Variants in ZNF536 observed in about 807,000 individuals in gnomAD.
ZNF536 encodes the protein zinc finger protein 536.
ZNF536 carries 13 observed loss-of-function variants against 84.5 expected under a neutral mutation model. The observed-to-expected ratio is 0.15, with a 90% confidence interval of 0.10 to 0.24. The LOEUF is 0.24. Among genes scored for constraint, ZNF536 ranks in the 10% least tolerant of loss-of-function variants. The pLI is 1.00. For synonymous variants in ZNF536, 811 were observed against 742.5 expected (o/e 1.09, Z -1.50); for missense variants, 1,536 against 1,747.5 (o/e 0.88, Z 2.16).
intron 1 of ZNF536, among the ~76,000 whole-genome samples, chr19:30,275,492 G>A (rs2026077249): frequency 6.6e-6 from 1 of 152,164 alleles, no homozygotes; most frequent in African/African-American, 2.4e-5. Flanking sequence ...CTGCCCTGAA[G>A]ATGAGGCTCT....
Position 30,534,876 on chromosome 19 carries a change from G to T in ZNF536, c.2200G>T (p.Gly734Cys), listed in dbSNP as rs772214442. ...TGGCGAGGAGGCTGGGAGATCTGCCGGCGTCCAGCAACCAGCGCTGCTTCG... is the reference window on the plus strand; with the variant it reads ...TGGCGAGGAGGCTGGGAGATCTGCCTGCGTCCAGCAACCAGCGCTGCTTCG... ...DIGEEAGRSA[G>C]VQQPALLRDR... Residue 734 changes from glycine to cysteine, a missense_variant, in exon 3 of 5, where the codon GGC (glycine) becomes TGC (cysteine). Coordinates refer to ENST00000355537, the MANE Select transcript of ZNF536 (RefSeq NM_014717.3). 1.9e-6 allele frequency: 3 copies of T among 1,613,298 alleles called. No homozygotes were observed. In the Admixed American group the frequency reaches 5.0e-5, roughly 27 times the overall value.
At chr19:30,602,815 C>T (rs540331034) in intron 1 of ZNF536, among the ~76,000 whole-genome samples, 1 of 152,254 alleles carries the variant, frequency 6.6e-6, no homozygotes, top group South Asian at 2.1e-4. Context: ...GCTGCTGTGA[C>T]CTGGGATTCA....
chr19:30,607,730 A>C (rs1427443537), intron 1 of ZNF536, among the ~76,000 whole-genome samples: 2 of 151,948 alleles, frequency 1.3e-5, no homozygotes, highest in East Asian at 3.9e-4. Flanking sequence ...AAAAAAAGTA[A>C]CATACTTTCA....
At chr19:30,335,900 GC>G (rs1164191621) in intron 2 of ZNF536, among the ~76,000 whole-genome samples, 4 of 152,014 alleles carry the variant, frequency 2.6e-5, no homozygotes, top group Admixed American at 2.0e-4. Flanking sequence ...TCAAGGAGTG[GC>G]CCTGGCTCAG....
At chr19:30,324,563 A>G (rs2046961737) in intron 2 of ZNF536, among the ~76,000 whole-genome samples, 2 of 152,072 alleles carry the variant, frequency 1.3e-5, no homozygotes, top group South Asian at 4.2e-4. Context: ...TAATTTTTTA[A>G]AATTTTTTTG....
chr19:30,356,091 C>A (rs1469061714), intron 3 of ZNF536, among the ~76,000 whole-genome samples: 1 of 152,208 alleles, frequency 6.6e-6, no homozygotes, highest in Non-Finnish European at 1.5e-5. Flanking sequence ...CTAAATAAAT[C>A]ACACACATCA....
At chr19:30,609,396 A>G (rs989482572) in intron 1 of ZNF536, among the ~76,000 whole-genome samples, 5 of 152,212 alleles carry the variant, frequency 3.3e-5, no homozygotes, top group Non-Finnish European at 7.3e-5. Context: ...GGAACTTCAA[A>G]TGTATTTTTG....
intron 1 of ZNF536, among the ~76,000 whole-genome samples, chr19:30,579,630 T>G (rs1409412486): frequency 1.3e-5 from 2 of 152,084 alleles, no homozygotes; most frequent in Non-Finnish European, 2.9e-5. Context: ...CCAGAGTCAG[T>G]GTGGGAGGAA....
chr19:30,410,942 G>C (rs1189455043), intron 1 of ZNF536, among the ~76,000 whole-genome samples: 2 of 152,132 alleles, frequency 1.3e-5, no homozygotes, highest in African/African-American at 4.8e-5. Context: ...TATACACATT[G>C]CTTTGACACT....
intron 1 of ZNF536, among the ~76,000 whole-genome samples, chr19:30,635,340 A>G (rs2049029698): frequency 6.6e-6 from 1 of 152,012 alleles, no homozygotes. Flanking sequence ...CTCTTTTTGG[A>G]GTTTATCATT....
chr19:30,427,481 G>A (rs1040385415), intron 1 of ZNF536, among the ~76,000 whole-genome samples: 3 of 152,214 alleles, frequency 2.0e-5, no homozygotes, highest in African/African-American at 7.2e-5. Flanking sequence ...GCAGGGGACA[G>A]CAAGTGGAAA....
chr19:30,562,090 G>A (rs563157156), downstream of ZNF536, among the ~76,000 whole-genome samples: 2 of 152,292 alleles, frequency 1.3e-5, no homozygotes, highest in East Asian at 3.9e-4. Context: ...GTTCCAAGGA[G>A]CTTAGATAAC....
intron 2 of ZNF536, among the ~76,000 whole-genome samples, chr19:30,465,122 C>G (rs1248179184): frequency 6.6e-6 from 1 of 152,078 alleles, no homozygotes; most frequent in Admixed American, 6.5e-5. Context: ...GCGGACAAGG[C>G]CCCATCACCT....
In ZNF536 at chr19:30,548,487, G is replaced by A. The variant is rs1203110654; in HGVS notation, c.2868G>A (p.Glu956=). The change falls in exon 4 of 5, where the codon GAG becomes GAA. Residue 956 remains glutamate, a synonymous_variant. Coordinates refer to ENST00000355537, the MANE Select transcript of ZNF536 (RefSeq NM_014717.3). ...AAGTCCACGGAGTGGATGGTGGTGA[G>A]GAGAAACCCAGTGGCAAGTCCTCCC... is the stretch of plus-strand genomic sequence containing the variant. ...SMKVHGVDGG[E]EKPSGKSSQR... The A allele has an allele frequency of 6.2e-7, 1 of 1,614,142 alleles. No individual in the cohort carries two copies. Among genetic ancestry groups the A allele is most frequent in the Admixed American group, 1.7e-5 (1 of 60,026 alleles).
intron 1 of ZNF536, among the ~76,000 whole-genome samples, chr19:30,679,850 A>AG (rs1041160150): frequency 1.3e-5 from 2 of 151,792 alleles, no homozygotes; most frequent in African/African-American, 4.8e-5. Flanking sequence ...TTGCGGGGAG[A>AG]GGGGGGTCAG....
intron 1 of ZNF536, among the ~76,000 whole-genome samples, chr19:30,641,572 T>C (rs546251992): frequency 5.7e-4 from 87 of 152,354 alleles, no homozygotes; most frequent in African/African-American, 2.1e-3. Flanking sequence ...TTTTTATTAT[T>C]ACAAATATAA....
rs755382445 is a variant in ZNF536, at chr19:30,534,849, A to G, written c.2173A>G (p.Ile725Val). The G allele has an allele frequency of 6.8e-6, 11 of 1,610,882 alleles. No individual in the cohort carries two copies. The highest frequency in any genetic ancestry group is 3.3e-5 in the Admixed American group (2 of 59,724). The change falls in exon 3 of 5, where the codon ATT (isoleucine) becomes GTT (valine). Residue 725 changes from isoleucine (I) to valine (V), a missense_variant and splice_region_variant. Ile to Val is a conservative substitution (Grantham distance 29, BLOSUM62 3). Coordinates refer to ENST00000355537, the MANE Select transcript of ZNF536 (RefSeq NM_014717.3). ...PHPSSPSSSDIGEEAGRSAGV... is the reference protein window; with the variant it reads ...PHPSSPSSSDVGEEAGRSAGV... ...AGAACGTTTCTCCTTCGCTGCAGAC[A>G]TTGGCGAGGAGGCTGGGAGATCTGC...
chr19:30,464,644 C>T (rs771386622), intron 2 of ZNF536, among the ~76,000 whole-genome samples: 12 of 151,798 alleles, frequency 7.9e-5, no homozygotes, highest in Non-Finnish European at 1.5e-4. Flanking sequence ...GTCAATGGTC[C>T]TTTTTTGGTT....
chr19:30,453,246 C>T (rs1435251297), intron 2 of ZNF536, among the ~76,000 whole-genome samples: 2 of 152,150 alleles, frequency 1.3e-5, no homozygotes, highest in Non-Finnish European at 2.9e-5. Context: ...TGGGCAGAAC[C>T]TGCTCACTGA....
Sources: allele counts gnomAD v4.1 joint callset (sites outside exome capture counted in the v4.1 genomes callset), GRCh38; gene constraint gnomAD v4.1.1; transcripts MANE v1.5; gene names NCBI Gene and HGNC (gene_info 2026-07-23, HGNC 2026-07-21).